The following MACROD2 variants were observed in gnomAD, a reference collection of about 807,000 sequenced individuals.
MACROD2 encodes ADP-ribose glycohydrolase MACROD2.
A neutral mutation model predicts 70.4 loss-of-function variants in MACROD2; 36 were observed. That is an observed-to-expected ratio of 0.51 (90% CI 0.39 to 0.68). MACROD2 has a LOEUF of 0.68. MACROD2 is among the 30% of genes least tolerant of loss of function. The probability of loss-of-function intolerance (pLI) is 0.00; values close to 1 mark genes in which losing one functional copy is unlikely to be tolerated. For missense variants in MACROD2, 496 were observed against 538.4 expected, an observed-to-expected ratio of 0.92 and a Z score of 0.78; for synonymous variants, 172 against 178.8, an observed-to-expected ratio of 0.96 and a Z score of 0.30.
intron 5 of MACROD2, among the ~76,000 whole-genome samples, chr20:14,962,551 G>C (rs1568899733): frequency 6.8e-6 from 1 of 147,520 alleles, no homozygotes; most frequent in South Asian, 2.2e-4. Flanking sequence ...CTTTCTCTCT[G>C]TCTCTATATA....
At chr20:14,109,016 C>A (rs1244117498) in intron 3 of MACROD2, among the ~76,000 whole-genome samples, 4 of 152,052 alleles carry the variant, frequency 2.6e-5, no homozygotes, top group Non-Finnish European at 4.4e-5. Flanking sequence ...TGTGTTAGGT[C>A]ACAAAACAAG....
chr20:14,614,792 G>T (rs1983379158), intron 4 of MACROD2, among the ~76,000 whole-genome samples: 1 of 152,032 alleles, frequency 6.6e-6, no homozygotes, highest in Non-Finnish European at 1.5e-5. Context: ...GCTAAACACT[G>T]CAGGCATATA....
intron 3 of MACROD2, among the ~76,000 whole-genome samples, chr20:14,420,659 C>A (rs2122893052): frequency 6.6e-6 from 1 of 152,094 alleles, no homozygotes; most frequent in African/African-American, 2.4e-5. Context: ...CAAATATTTT[C>A]TCTTATTCTG....
At chr20:14,639,113 G>T (rs1027452645) in intron 4 of MACROD2, among the ~76,000 whole-genome samples, 1 of 152,110 alleles carries the variant, frequency 6.6e-6, no homozygotes, top group African/African-American at 2.4e-5. Flanking sequence ...TTCAACAGTG[G>T]TATTCATAGT....
intron 5 of MACROD2, among the ~76,000 whole-genome samples, chr20:14,700,217 G>A (rs1271017680): frequency 1.3e-5 from 2 of 152,008 alleles, no homozygotes; most frequent in African/African-American, 2.4e-5. Flanking sequence ...GTGTCTCTGT[G>A]TGTAATATAT....
intron 3 of MACROD2, among the ~76,000 whole-genome samples, chr20:14,098,437 A>C (rs2054257681): frequency 6.6e-6 from 1 of 152,222 alleles, no homozygotes; most frequent in Non-Finnish European, 1.5e-5. Context: ...TTACTACATT[A>C]GTTGTGAATG....
chr20:15,690,657 C>G (rs1382191133), intron 8 of MACROD2, among the ~76,000 whole-genome samples: 2 of 152,138 alleles, frequency 1.3e-5, no homozygotes, highest in South Asian at 2.1e-4. Context: ...TTTTTGAACA[C>G]CATGAACCCA....
intron 8 of MACROD2, among the ~76,000 whole-genome samples, chr20:15,776,379 G>C (rs1358424222): frequency 6.6e-6 from 1 of 152,122 alleles, no homozygotes; most frequent in Non-Finnish European, 1.5e-5. Flanking sequence ...GTGATGGACT[G>C]TGTTTTCTGG....
At chr20:14,068,470 A>G (rs2053796731) in intron 2 of MACROD2, among the ~76,000 whole-genome samples, 1 of 152,208 alleles carries the variant, frequency 6.6e-6, no homozygotes, top group African/African-American at 2.4e-5. Context: ...TAGAATGATG[A>G]TAAAACATAC....
At chr20:15,154,700 G>T (rs898312909) in intron 5 of MACROD2, among the ~76,000 whole-genome samples, 1 of 152,174 alleles carries the variant, frequency 6.6e-6, no homozygotes, top group Non-Finnish European at 1.5e-5. Flanking sequence ...TGTTACTGGA[G>T]CACTAAGCCC....
chr20:15,006,141 A>ATGTGTGTGTG (rs11473589), intron 5 of MACROD2, among the ~76,000 whole-genome samples: 1,470 of 134,318 alleles, frequency 0.011, 35 homozygotes, highest in African/African-American at 0.025. Flanking sequence ...ATATATATAT[A>ATGTGTGTGTG]TGTGTGTGTG....
chr20:14,130,992 A>T (rs2054711558), intron 3 of MACROD2, among the ~76,000 whole-genome samples: 1 of 146,538 alleles, frequency 6.8e-6, no homozygotes, highest in Non-Finnish European at 1.5e-5. Flanking sequence ...TAGCTCAATC[A>T]TAGCTTACTG....
At position 15,416,153 on chromosome 20, in the gene MACROD2, C is replaced by T. The variant is rs551771325; in HGVS notation, c.541-15252C>T. On this transcript the variant is annotated intron_variant, in intron 6 of 17. Coordinates refer to ENST00000684519, the MANE Select transcript of MACROD2 (RefSeq NM_001351661.2). ...CCCATCTTGTTCTTTTTGCTCATTT[C>T]CATAATAGACTCTGGTTGATAAAAC... 1.8e-4 allele frequency among the ~76,000 whole-genome samples: 28 copies of T among 152,252 alleles called. No individual in the cohort carries two copies. In the East Asian group the frequency reaches 5.4e-3, roughly 29 times the overall value.
At chr20:14,594,912 CTAAA>C (rs1187378826) in intron 4 of MACROD2, among the ~76,000 whole-genome samples, 2 of 152,036 alleles carry the variant, frequency 1.3e-5, no homozygotes, top group Non-Finnish European at 2.9e-5. Context: ...CAAACAAAAA[CTAAA>C]TAAATAAGAA....
intron 5 of MACROD2, among the ~76,000 whole-genome samples, chr20:14,734,263 C>A (rs1280354081): frequency 6.6e-6 from 1 of 152,028 alleles, no homozygotes; most frequent in East Asian, 1.9e-4. Flanking sequence ...CTTTGGGAGG[C>A]CGAGGCAGGC....
chr20:14,506,383 C>A (rs1034093877), intron 4 of MACROD2, among the ~76,000 whole-genome samples: 1 of 152,078 alleles, frequency 6.6e-6, no homozygotes, highest in African/African-American at 2.4e-5. Context: ...ACTTCCCTAC[C>A]CATATAAAGA....
At chr20:14,878,944 A>T (rs917019937) in intron 5 of MACROD2, among the ~76,000 whole-genome samples, 2 of 151,962 alleles carry the variant, frequency 1.3e-5, no homozygotes, top group African/African-American at 4.8e-5. Flanking sequence ...TTCCATCTTT[A>T]ATACCCCACC....
intron 4 of MACROD2, among the ~76,000 whole-genome samples, chr20:14,593,872 G>A (rs1275687397): frequency 6.6e-6 from 1 of 152,086 alleles, no homozygotes; most frequent in South Asian, 2.1e-4. Context: ...TAAGAATTTA[G>A]AATTGTTTAC....
At chr20:14,125,301 GTTATA>G (rs1475143405) in intron 3 of MACROD2, among the ~76,000 whole-genome samples, 1 of 152,138 alleles carries the variant, frequency 6.6e-6, no homozygotes, top group Non-Finnish European at 1.5e-5. Flanking sequence ...TTAACTTTAT[GTTATA>G]TAAGTTTTAC....
Sources: allele counts gnomAD v4.1 joint callset (sites outside exome capture counted in the v4.1 genomes callset), GRCh38; gene constraint gnomAD v4.1.1; transcripts MANE v1.5; gene names NCBI Gene and HGNC (gene_info 2026-07-23, HGNC 2026-07-21).